SMC4: variants seen among roughly 807,000 people sequenced by gnomAD.
SMC4 encodes the protein structural maintenance of chromosomes protein 4.
A neutral mutation model predicts 145.6 loss-of-function variants in SMC4; 87 were observed. That is an observed-to-expected ratio of 0.60 (90% CI 0.50 to 0.71). The LOEUF (loss-of-function observed/expected upper bound fraction) is 0.71. SMC4 is among the 30% of genes least tolerant of loss of function. SMC4 has a pLI of 0.00. For synonymous variants in SMC4, 558 were observed against 500.7 expected, an observed-to-expected ratio of 1.11 and a Z score of -1.53; for missense variants, 1,447 against 1,537.1, an observed-to-expected ratio of 0.94 and a Z score of 0.98.
intron 2 of SMC4, among the ~76,000 whole-genome samples, chr3:160,401,186 G>A (rs1189685779): frequency 1.3e-5 from 2 of 151,930 alleles, no homozygotes; most frequent in East Asian, 3.9e-4. Context: ...GAGCAAACGG[G>A]TTCAGTTGTG....
chr3:160,424,882 TCA>T lies in SMC4; in HGVS notation c.2344_2345del (p.Gln782ValfsTer6). ...TTCTTTGTAGGTAAACAAAATGGAA[TCA>T]CAGTTGCAAAACGACTCTAAAAAAG... The part of the protein sequence containing the change: ...ISEEEVNKME[S>X]QLQNDSKKAM... On this transcript the variant is annotated frameshift_variant, in exon 16 of 24. Transcript: ENST00000357388. LOFTEE classifies it high-confidence loss of function. 1 of 1,613,810 alleles carries T rather than the reference TCA, an allele frequency of 6.2e-7. No individual in the cohort carries two copies. Among genetic ancestry groups the T allele is most frequent in the Non-Finnish European group, 8.5e-7 (1 of 1,179,948 alleles).
At position 160,429,335 on chromosome 3, in the gene SMC4, A is replaced by T. The variant is rs536804714; in HGVS notation, c.2795+393A>T. The stretch of plus-strand genomic sequence containing the variant: ...GCAAAATTAATTCTCTTGGTAACTT[A>T]CATTTTAGTTTTTATTTTTATTTTT... On this transcript the variant is annotated intron_variant, in intron 18 of 23. Coordinates refer to ENST00000357388, the MANE Select transcript of SMC4 (RefSeq NM_001002800.3). 4.6e-5 allele frequency among the ~76,000 whole-genome samples: 7 copies of T among 152,274 alleles called. No homozygotes were observed. The East Asian group carries it at 1.3e-3, about 29-fold the overall frequency.
At chr3:160,433,266 T>G in intron 23 of SMC4, 57 bp downstream of exon 23, 1 of 1,173,466 alleles carries the variant, frequency 8.5e-7, no homozygotes, top group Non-Finnish European at 1.2e-6. Flanking sequence ...TCCTAAACAT[T>G]ACACATGGAA....
At chr3:160,407,395 A>G (rs1034524459) in intron 5 of SMC4, among the ~76,000 whole-genome samples, 5 of 152,056 alleles carry the variant, frequency 3.3e-5, no homozygotes, top group Non-Finnish European at 7.4e-5. Flanking sequence ...TCTATAGAAA[A>G]TACAAAAATT....
chr3:160,419,227 G>A, intron 11 of SMC4, 131 bp from the exon 12 acceptor site: 1 of 638,016 alleles, frequency 1.6e-6, no homozygotes, highest in South Asian at 2.8e-5. Flanking sequence ...CAGGTGCTCA[G>A]TTTTGGTTCA....
chr3:160,415,125 G>A (rs1716447696), intron 9 of SMC4, among the ~76,000 whole-genome samples: 1 of 152,296 alleles, frequency 6.6e-6, no homozygotes, highest in South Asian at 2.1e-4. Flanking sequence ...TATTCCCAGT[G>A]CTTTGGGCGG....
intron 5 of SMC4, among the ~76,000 whole-genome samples, chr3:160,409,258 T>C (rs1178461208): frequency 2.7e-5 from 2 of 74,420 alleles, no homozygotes; most frequent in Admixed American, 2.3e-4. Context: ...AGAGCGAAAC[T>C]CCGTCTCAAA....
chr3:160,417,194 A>G (rs1331670238), intron 10 of SMC4, among the ~76,000 whole-genome samples: 1 of 152,224 alleles, frequency 6.6e-6, no homozygotes, highest in East Asian at 1.9e-4. Flanking sequence ...GCATATCAAC[A>G]TGTTCTAATG....
Position 160,416,303 on chromosome 3 carries a change from C to A in SMC4, c.1325C>A (p.Thr442Lys). ...AAGAGTAACAATATCATTAATGAAA[C>A]AACAACCAGAAACAATGCCCTCGAG... is the stretch of plus-strand genomic sequence containing the variant. Reference protein sequence around the residue: ...PAKSNNIINETTTRNNALEKE... With the variant: ...PAKSNNIINEKTTRNNALEKE... Residue 442 changes from threonine to lysine, a missense_variant, in exon 10 of 24, where the codon ACA (threonine) becomes AAA (lysine). Physicochemically the swap from Thr to Lys is moderately conservative, Grantham distance 78. Transcript: ENST00000357388. 1 of 1,595,996 alleles carries A rather than the reference C, an allele frequency of 6.3e-7. No individual in the cohort carries two copies. Among genetic ancestry groups the A allele is most frequent in the Non-Finnish European group, 8.5e-7 (1 of 1,172,426 alleles).
chr3:160,431,121 T>C lies in SMC4; in HGVS notation c.3030T>C (p.Asp1010=), dbSNP rs200136361. 1.9e-5 allele frequency: 30 copies of C among 1,608,110 alleles called. No homozygotes were observed. The East Asian group carries it at 4.9e-4, about 26-fold the overall frequency. The change falls in exon 20 of 24, where the codon GAT becomes GAC. Residue 1010 remains aspartate (D), a synonymous_variant. Transcript: ENST00000357388. The stretch of plus-strand genomic sequence containing the variant: ...AAAATGAACATGCTCTTCAAAAAGA[T>C]GCACTTAGTATTAAGTTGAAACTTG... ...IQENEHALQK[D]ALSIKLKLEQ...
intron 10 of SMC4, among the ~76,000 whole-genome samples, chr3:160,417,168 G>GGT (rs1338171115): frequency 6.6e-6 from 1 of 152,136 alleles, no homozygotes; most frequent in African/African-American, 2.4e-5. Flanking sequence ...AAAAAGTCAT[G>GGT]GTAGAGTCTG....
In SMC4 at chr3:160,424,859, C is replaced by G. The variant is rs768452609; in HGVS notation, c.2326-8C>G. The G allele has an allele frequency of 1.2e-6, 2 of 1,610,880 alleles. No individual in the cohort carries two copies. The highest frequency in any genetic ancestry group is 3.3e-5 in the Admixed American group (2 of 59,704). ...TGAAATGGCTCTTAGAGAAAACTTT[C>G]TTTGTAGGTAAACAAAATGGAATCA... On this transcript the variant is annotated splice_polypyrimidine_tract_variant and splice_region_variant and intron_variant, in intron 15 of 23. Coordinates refer to ENST00000357388, the MANE Select transcript of SMC4 (RefSeq NM_001002800.3).
At position 160,425,631 on chromosome 3, in the gene SMC4, T is replaced by C. The variant is rs564678541; in HGVS notation, c.2479-443T>C. Among the ~76,000 whole-genome samples, 23 of 152,344 alleles carry C rather than the reference T, an allele frequency of 1.5e-4. No individual in the cohort carries two copies. The South Asian group carries it at 3.5e-3, about 23-fold the overall frequency. On this transcript the variant is annotated intron_variant, in intron 16 of 23. Transcript: ENST00000357388. ...ACAAATTTTTTTTGTATTATGTACA[T>C]GGCTATGTTTAAAAAAATCCTTGTA...
intron 13 of SMC4, 76 bp from the exon 14 acceptor site, chr3:160,423,349 G>GTTTTTTTTTTTTTTT (rs369027493): frequency 2.5e-6 from 2 of 809,788 alleles, no homozygotes; most frequent in African/African-American, 2.2e-5. Context: ...ATTCCTATGG[G>GTTTTTTTTTTTTTTT]TTTTTTTTTG....
At chr3:160,418,061 C>G in intron 11 of SMC4, 105 bp downstream of exon 11, 1 of 881,896 alleles carries the variant, frequency 1.1e-6, no homozygotes, top group Non-Finnish European at 1.8e-6. Context: ...GATAAATTTT[C>G]TTCATTTTGT....
At chr3:160,427,400 G>A (rs971847574) in intron 17 of SMC4, among the ~76,000 whole-genome samples, 14 of 152,166 alleles carry the variant, frequency 9.2e-5, no homozygotes, top group African/African-American at 3.1e-4. Flanking sequence ...AATAAAGGAC[G>A]GAAGAACCCA....
At chr3:160,421,922 T>G (rs1481057604) in intron 13 of SMC4, among the ~76,000 whole-genome samples, 6 of 152,190 alleles carry the variant, frequency 3.9e-5, no homozygotes, top group African/African-American at 1.4e-4. Context: ...CACTAACTAC[T>G]TTTTTGTTTC....
At chr3:160,401,089 C>A in intron 2 of SMC4, 124 bp downstream of exon 2, 1 of 1,238,822 alleles carries the variant, frequency 8.1e-7, no homozygotes, top group Non-Finnish European at 1.0e-6. Flanking sequence ...GGTGTCGGTC[C>A]GGTAGAGGCT....
intron 4 of SMC4, 124 bp from the exon 5 acceptor site, chr3:160,404,204 G>A (rs974732054): frequency 1.3e-6 from 1 of 772,640 alleles, no homozygotes; most frequent in Admixed American, 3.3e-5. Context: ...GGCAGTTTGT[G>A]TGCATGTTCA....
Sources: allele counts gnomAD v4.1 joint callset (sites outside exome capture counted in the v4.1 genomes callset), GRCh38; gene constraint gnomAD v4.1.1; transcripts MANE v1.5; gene names NCBI Gene and HGNC (gene_info 2026-07-23, HGNC 2026-07-21).